Variants in LDB2 observed in about 807,000 individuals in gnomAD.
The protein encoded by LDB2 is LIM domain binding 2, also known as LIM domain-binding protein 2.
In LDB2, 12 loss-of-function variants were observed where a neutral mutation model predicts 44.3. The observed-to-expected ratio is 0.27, with a 90% CI of 0.17 to 0.44. LDB2 has a LOEUF of 0.44. Among genes scored for constraint, LDB2 ranks in the 20% least tolerant of loss-of-function variants. The pLI, the probability that LDB2 is intolerant of heterozygous loss-of-function variation, is 1.00. For synonymous variants in LDB2, 164 were observed against 174.8 expected (o/e 0.94, Z 0.49); for missense variants, 344 against 473.5 (o/e 0.73, Z 2.54).
chr4:16,830,870 T>C (rs1416645530), intron 1 of LDB2, among the ~76,000 whole-genome samples: 1 of 152,198 alleles, frequency 6.6e-6, no homozygotes, highest in Admixed American at 6.5e-5. Context: ...GACCTGATGA[T>C]GCTTTTAATT....
chr4:16,795,280 A>G (rs774274710), intron 1 of LDB2, among the ~76,000 whole-genome samples: 6 of 152,176 alleles, frequency 3.9e-5, no homozygotes, highest in Non-Finnish European at 5.9e-5. Flanking sequence ...TGTGGTGGAG[A>G]CGGCAGTTAA....
At chr4:16,674,869 G>T (rs531486206) in intron 2 of LDB2, among the ~76,000 whole-genome samples, 1 of 152,092 alleles carries the variant, frequency 6.6e-6, no homozygotes, top group South Asian at 2.1e-4. Flanking sequence ...CCAATGTTAA[G>T]GGAGTATACT....
chr4:16,757,688 A>T (rs1336307998), intron 2 of LDB2, among the ~76,000 whole-genome samples: 1 of 152,144 alleles, frequency 6.6e-6, no homozygotes, highest in African/African-American at 2.4e-5. Flanking sequence ...AACGCCATTG[A>T]TCAGGCAGCT....
At chr4:16,592,216 CT>C (rs1719234942) in intron 3 of LDB2, among the ~76,000 whole-genome samples, 1 of 152,050 alleles carries the variant, frequency 6.6e-6, no homozygotes, top group Non-Finnish European at 1.5e-5. Context: ...CTTTTTAACC[CT>C]TTTCTTTCTT....
At chr4:16,784,900 G>A (rs140848627) in intron 1 of LDB2, among the ~76,000 whole-genome samples, 2 of 152,152 alleles carry the variant, frequency 1.3e-5, no homozygotes, top group East Asian at 1.9e-4. Flanking sequence ...TGCTCCCTGG[G>A]TGTAGACTGT....
At chr4:16,523,213 G>A (rs920377582) in intron 5 of LDB2, among the ~76,000 whole-genome samples, 3 of 152,100 alleles carry the variant, frequency 2.0e-5, no homozygotes, top group African/African-American at 7.2e-5. Flanking sequence ...TCCACAGGCT[G>A]GAAGCTGTCA....
chr4:16,599,088 AG>A (rs1287684055), intron 2 of LDB2, among the ~76,000 whole-genome samples: 1 of 152,124 alleles, frequency 6.6e-6, no homozygotes, highest in African/African-American at 2.4e-5. Context: ...GAGATTAAAA[AG>A]GTGTCAGAGA....
At chr4:16,868,110 G>A (rs1715302079) in intron 1 of LDB2, among the ~76,000 whole-genome samples, 1 of 152,102 alleles carries the variant, frequency 6.6e-6, no homozygotes. Context: ...TGATTTAAGT[G>A]GACCTTAATA....
intron 2 of LDB2, among the ~76,000 whole-genome samples, chr4:16,743,409 T>G (rs1241145325): frequency 2.0e-5 from 3 of 152,118 alleles, no homozygotes; most frequent in Non-Finnish European, 4.4e-5. Flanking sequence ...ATATGCACCC[T>G]GCATAATCCC....
intron 1 of LDB2, among the ~76,000 whole-genome samples, chr4:16,788,101 T>G (rs996221533): frequency 6.6e-6 from 1 of 152,210 alleles, no homozygotes; most frequent in Non-Finnish European, 1.5e-5. Context: ...ATTCCCTGTA[T>G]AGTGCTGAGG....
chr4:16,642,494 CAGA>C (rs1735481360), intron 2 of LDB2, among the ~76,000 whole-genome samples: 1 of 151,850 alleles, frequency 6.6e-6, no homozygotes, highest in Non-Finnish European at 1.5e-5. Flanking sequence ...GATCAAATAC[CAGA>C]AGGAGATAAA....
At chr4:16,794,584 C>G (rs1776372731) in intron 1 of LDB2, among the ~76,000 whole-genome samples, 1 of 152,150 alleles carries the variant, frequency 6.6e-6, no homozygotes, top group African/African-American at 2.4e-5. Flanking sequence ...GTACCTCAAT[C>G]TCTTCATTTT....
intron 1 of LDB2, among the ~76,000 whole-genome samples, chr4:16,763,862 G>C (rs16893953): frequency 0.05 from 7,513 of 151,744 alleles, 362 homozygotes; most frequent in African/African-American, 0.12. Flanking sequence ...ATTTCTTTGC[G>C]TCTGTTTGCT....
At chr4:16,847,781 T>TGTG in intron 1 of LDB2, among the ~76,000 whole-genome samples, 1 of 152,168 alleles carries the variant, frequency 6.6e-6, no homozygotes. Flanking sequence ...AGTGCCCAGC[T>TGTG]AATTTTTTGT....
chr4:16,742,785 T>C (rs1433421499), intron 2 of LDB2, among the ~76,000 whole-genome samples: 2 of 152,200 alleles, frequency 1.3e-5, no homozygotes, highest in Non-Finnish European at 2.9e-5. Context: ...TAGCAAGTTC[T>C]AGCCAACCAA....
At chr4:16,759,048 T>A in intron 2 of LDB2, 110 bp downstream of exon 2, 1 of 655,718 alleles carries the variant, frequency 1.5e-6, no homozygotes, top group Middle Eastern at 2.6e-4. Context: ...TTCTCAGGAG[T>A]GGAGGTATTA....
chr4:16,730,160 T>A (rs190350470), intron 2 of LDB2, among the ~76,000 whole-genome samples: 4 of 152,300 alleles, frequency 2.6e-5, no homozygotes, highest in Non-Finnish European at 5.9e-5. Flanking sequence ...TTAGCCCTTT[T>A]GTCTTAGCTT....
intron 1 of LDB2, among the ~76,000 whole-genome samples, chr4:16,820,422 C>T (rs1477375505): frequency 6.6e-6 from 1 of 152,010 alleles, no homozygotes; most frequent in Non-Finnish European, 1.5e-5. Flanking sequence ...AACAAGAAAA[C>T]AAAGGAACAC....
intron 2 of LDB2, among the ~76,000 whole-genome samples, chr4:16,654,754 A>G (rs1739297469): frequency 6.6e-6 from 1 of 152,214 alleles, no homozygotes; most frequent in African/African-American, 2.4e-5. Context: ...ACTTATTAGT[A>G]TGAGACTCAT....
Sources: gnomAD v4.1 joint callset for allele counts (sites outside exome capture counted in the v4.1 genomes callset) on GRCh38, gnomAD v4.1.1 for gene constraint, MANE v1.5 for transcripts, NCBI Gene and HGNC (gene_info 2026-07-23, HGNC 2026-07-21) for gene names.